TULP3: variants seen among roughly 807,000 people sequenced by gnomAD.
TULP3 encodes tubby-related protein 3.
A neutral mutation model predicts 50.7 loss-of-function variants in TULP3; 38 were observed. The ratio of observed to expected loss-of-function variants is 0.75; its 90% CI spans 0.58 to 0.98. TULP3 has a LOEUF of 0.98. Among genes scored for constraint, TULP3 ranks in the 50% least tolerant of loss-of-function variants. The probability of loss-of-function intolerance (pLI) is 0.00; values close to 1 mark genes in which losing one functional copy is unlikely to be tolerated. For synonymous variants in TULP3, 183 were observed against 196.6 expected (o/e 0.93, Z 0.58); for missense variants, 550 against 568.0 (o/e 0.97, Z 0.32).
At chr12:2,894,401 T>C (rs1040831423) in intron 1 of TULP3, among the ~76,000 whole-genome samples, 6 of 151,746 alleles carry the variant, frequency 4.0e-5, no homozygotes, top group African/African-American at 1.5e-4. Flanking sequence ...CCAGGCATGG[T>C]GGCAGGTGCC....
chr12:2,913,589 C>T (rs1481058501), intron 2 of TULP3, among the ~76,000 whole-genome samples: 2 of 151,444 alleles, frequency 1.3e-5, no homozygotes, highest in African/African-American at 4.9e-5. Context: ...AGCTTTTACA[C>T]TTTCCGTGGT....
At position 2,938,124 on chromosome 12, in the gene TULP3, G is replaced by A. The variant is rs776940652; in HGVS notation, c.1034G>A (p.Ser345Asn). The change falls in exon 10 of 11, where the codon AGT becomes AAT. Residue 345 changes from serine to asparagine, a missense_variant. Transcript: ENST00000448120. Reference protein sequence around the residue: ...IPYQPQNNHDSLLSRWQNRTM... With the variant: ...IPYQPQNNHDNLLSRWQNRTM... Reference sequence around the variant, plus strand: ...TTTCCCTTTGGACAGAACCATGACAGTTTGCTCTCAAGGTGGCAGAACAGA... The same window carrying A: ...TTTCCCTTTGGACAGAACCATGACAATTTGCTCTCAAGGTGGCAGAACAGA... The A allele has an allele frequency of 1.7e-5, 28 of 1,614,196 alleles. No individual in the cohort carries two copies. Among genetic ancestry groups the A allele is most frequent in the Non-Finnish European group, 2.4e-5 (28 of 1,180,038 alleles).
chr12:2,930,537 C>A (rs1268073662), intron 5 of TULP3, among the ~76,000 whole-genome samples, 192 bp downstream of exon 5: 1 of 152,156 alleles, frequency 6.6e-6, no homozygotes, highest in Non-Finnish European at 1.5e-5. Context: ...CATTCTCCTG[C>A]CTCAATCTCC....
At chr12:2,932,045 C>A (rs2098198375) in intron 6 of TULP3, among the ~76,000 whole-genome samples, 1 of 152,174 alleles carries the variant, frequency 6.6e-6, no homozygotes, top group Admixed American at 6.5e-5. Flanking sequence ...CTGCCACTCT[C>A]CTGCTTCCCT....
At chr12:2,934,641 C>T in intron 8 of TULP3, 80 bp downstream of exon 8, 1 of 775,372 alleles carries the variant, frequency 1.3e-6, no homozygotes, top group Non-Finnish European at 2.0e-6. Context: ...GCTGAAGAAC[C>T]TCCCCTCCCA....
intron 2 of TULP3, among the ~76,000 whole-genome samples, chr12:2,919,857 A>G (rs1042929562): frequency 2.0e-5 from 3 of 151,216 alleles, no homozygotes; most frequent in African/African-American, 7.3e-5. Flanking sequence ...TTTCTATTTG[A>G]TATGTTCCAA....
Position 2,907,103 on chromosome 12 carries a change from C to T in TULP3, c.42-2426C>T, listed in dbSNP as rs1453604005. On this transcript the variant is annotated intron_variant, in intron 1 of 10. Coordinates refer to ENST00000448120, the MANE Select transcript of TULP3 (RefSeq NM_003324.5). ...CTGTAATCCCAGCACTTTGGGAAGC[C>T]GAGGTGGGCAGATCACTTGAGGTCA... Among the ~76,000 whole-genome samples, 3 of 151,630 alleles carry T rather than the reference C, an allele frequency of 2.0e-5. No homozygotes were observed. In the East Asian group the frequency reaches 5.9e-4, roughly 30 times the overall value.
chr12:2,906,476 A>C (rs183458495), intron 1 of TULP3, among the ~76,000 whole-genome samples: 201 of 150,856 alleles, frequency 1.3e-3, no homozygotes, highest in African/African-American at 4.7e-3. Context: ...TTACAGGTGC[A>C]TGCCGCCATG....
chr12:2,906,549 G>C (rs1040589321), intron 1 of TULP3, among the ~76,000 whole-genome samples: 1 of 151,120 alleles, frequency 6.6e-6, no homozygotes, highest in East Asian at 2.0e-4. Flanking sequence ...GGCTGGTCTC[G>C]AACTTCTGGG....
rs909401366 is a variant in TULP3, at chr12:2,913,045, C to T, written c.93+3465C>T. On this transcript the variant is annotated intron_variant, in intron 2 of 10. Coordinates refer to ENST00000448120, the MANE Select transcript of TULP3 (RefSeq NM_003324.5). ...GGAGTGCAGTGGCACGATCTCGGCTCACTGCAACCTCTGCCTCTGTGCCCA... is the reference window on the plus strand; with the variant it reads ...GGAGTGCAGTGGCACGATCTCGGCTTACTGCAACCTCTGCCTCTGTGCCCA... Among the ~76,000 whole-genome samples, 6 of 151,592 alleles carry T rather than the reference C, an allele frequency of 4.0e-5. No individual in the cohort carries two copies. The East Asian group carries it at 1.2e-3, about 29-fold the overall frequency.
Position 2,940,425 on chromosome 12 carries a change from C to T in TULP3, c.*981C>T. On this transcript the variant is annotated 3_prime_UTR_variant, in exon 11 of 11. Transcript: ENST00000448120. ...GCAGAGCTGTGGACTTTCTTCTCGG[C>T]TCCCTCAACCCTGGCTCAGGCACAG... 6.8e-7 allele frequency: 1 copy of T among 1,464,990 alleles called. No homozygotes were observed. Among genetic ancestry groups the T allele is most frequent in the South Asian group, 1.4e-5 (1 of 69,690 alleles). 90.7% of individuals were successfully genotyped at this position (1,464,990 alleles called of 1,614,324 possible).
rs1277548074 is a variant in TULP3, at chr12:2,939,027, G to C, written c.1196-284G>C. On this transcript the variant is annotated intron_variant, in intron 10 of 10. Transcript: ENST00000448120. The surrounding 1 kb of genome is among the most constrained non-coding windows in gnomAD (Gnocchi z 4.0). ...GAATCACTTGAGCCTAGGTGTTTGA[G>C]ACCAGCTTGAGCAACATAGTGAGAC... 3.3e-5 allele frequency among the ~76,000 whole-genome samples: 5 copies of C among 152,022 alleles called. No individual in the cohort carries two copies. Among genetic ancestry groups the C allele is most frequent in the African/African-American group, 1.2e-4 (5 of 41,384 alleles).
intron 9 of TULP3, 97 bp downstream of exon 9, chr12:2,937,826 C>T (rs186622290): frequency 6.6e-6 from 7 of 1,066,298 alleles, no homozygotes; most frequent in African/African-American, 6.5e-5. Flanking sequence ...ATTGAGCTTC[C>T]AGAGCCCCAC....
chr12:2,940,274 C>T lies in TULP3; in HGVS notation c.*830C>T. The T allele has an allele frequency of 7.1e-7, 1 of 1,406,782 alleles. No homozygotes were observed. Among genetic ancestry groups the T allele is most frequent in the East Asian group, 3.5e-5 (1 of 28,632 alleles). 87.1% of individuals were successfully genotyped at this position (1,406,782 alleles called of 1,614,324 possible). On this transcript the variant is annotated 3_prime_UTR_variant, in exon 11 of 11. Coordinates refer to ENST00000448120, the MANE Select transcript of TULP3 (RefSeq NM_003324.5). ...CACCTGTAGGCATCCTGTGCAAACA[C>T]TTTGTCATTATCAAGAGAGATGGCA...
At position 2,940,252 on chromosome 12, in the gene TULP3, C is replaced by CT. The variant is rs2098203896; in HGVS notation, c.*809dup. ...CATTAGTGAGGAGCGACACACACAC[C>CT]TGTAGGCATCCTGTGCAAACACTTT... On this transcript the variant is annotated 3_prime_UTR_variant, in exon 11 of 11. Coordinates refer to ENST00000448120, the MANE Select transcript of TULP3 (RefSeq NM_003324.5). 7.3e-7 allele frequency: 1 copy of CT among 1,376,842 alleles called. No homozygotes were observed. Among genetic ancestry groups the CT allele is most frequent in the Non-Finnish European group, 9.6e-7 (1 of 1,046,834 alleles). 85.3% of individuals were successfully genotyped at this position (1,376,842 alleles called of 1,614,324 possible). A position where few individuals can be genotyped will look rare whatever the true frequency, so the allele number is the denominator to read the frequency against.
intron 4 of TULP3, among the ~76,000 whole-genome samples, chr12:2,925,825 C>G (rs2098194373): frequency 1.3e-5 from 2 of 152,212 alleles, no homozygotes; most frequent in African/African-American, 2.4e-5. Flanking sequence ...GATTCTTAGT[C>G]TGGTTCTTTA....
chr12:2,920,080 T>G (rs1455992383), intron 2 of TULP3, among the ~76,000 whole-genome samples: 2 of 151,988 alleles, frequency 1.3e-5, no homozygotes, highest in African/African-American at 4.8e-5. Flanking sequence ...TGCCATAGTC[T>G]GCCACCTGAA....
At chr12:2,904,047 G>T (rs975759455) in intron 1 of TULP3, among the ~76,000 whole-genome samples, 4 of 152,148 alleles carry the variant, frequency 2.6e-5, no homozygotes, top group African/African-American at 9.7e-5. Flanking sequence ...CTCCCAAAGT[G>T]CTGGGATTAC....
intron 1 of TULP3, 90 bp from the exon 2 acceptor site, chr12:2,909,439 A>G (rs2098184170): frequency 7.6e-7 from 1 of 1,313,014 alleles, no homozygotes; most frequent in East Asian, 2.4e-5. Flanking sequence ...ATTGGTTCCA[A>G]ATAGCCCAAA....
Sources: allele counts gnomAD v4.1 joint callset (sites outside exome capture counted in the v4.1 genomes callset), GRCh38; gene constraint gnomAD v4.1.1; non-coding constraint Gnocchi (gnomAD v3.1); transcripts MANE v1.5; gene names NCBI Gene and HGNC (gene_info 2026-07-23, HGNC 2026-07-21).